GPM6A: variants seen among roughly 807,000 people sequenced by gnomAD.
GPM6A encodes the protein neuronal membrane glycoprotein M6-a.
Under a neutral mutation model 32.1 loss-of-function variants are expected in GPM6A, and 7 were observed. The observed-to-expected ratio is 0.22, with a 90% CI of 0.12 to 0.41. GPM6A has a LOEUF of 0.41. Ranked by LOEUF, GPM6A falls within the 10% of genes least tolerant of loss-of-function variation. The probability of loss-of-function intolerance (pLI) is 1.00; values close to 1 mark genes in which losing one functional copy is unlikely to be tolerated. For synonymous variants in GPM6A, 130 were observed against 123.4 expected (o/e 1.05, Z -0.35); for missense variants, 235 against 347.2 (o/e 0.68, Z 2.57).
chr4:175,720,989 C>T (rs1245999409), intron 1 of GPM6A, among the ~76,000 whole-genome samples: 1 of 145,826 alleles, frequency 6.9e-6, no homozygotes, highest in Admixed American at 7.0e-5. Context: ...TTTCCAACAA[C>T]TAGTAGTTAC....
At chr4:175,946,247 A>G (rs1389040896) in intron 1 of GPM6A, among the ~76,000 whole-genome samples, 1 of 152,236 alleles carries the variant, frequency 6.6e-6, no homozygotes, top group Non-Finnish European at 1.5e-5. Flanking sequence ...ACAAGGCACC[A>G]AAAACAACTG....
At chr4:175,683,348 G>C (rs1322626725) in intron 2 of GPM6A, among the ~76,000 whole-genome samples, 4 of 152,028 alleles carry the variant, frequency 2.6e-5, no homozygotes, top group Non-Finnish European at 5.9e-5. Flanking sequence ...GATTTTTCAG[G>C]CTCACAAGTA....
At chr4:175,831,740 A>G (rs1230710267) in intron 1 of GPM6A, among the ~76,000 whole-genome samples, 3 of 2,766 alleles carry the variant, frequency 1.1e-3, no homozygotes, top group African/African-American at 2.6e-3. Context: ...TTTTTTTTTG[A>G]CGGAGGTTCA....
chr4:175,802,859 G>C (rs574290446), intron 1 of GPM6A, among the ~76,000 whole-genome samples: 1 of 151,904 alleles, frequency 6.6e-6, no homozygotes, highest in Admixed American at 6.5e-5. Flanking sequence ...AATATGTGTG[G>C]GCTCTTTAAT....
chr4:175,915,040 T>C (rs948477378), intron 1 of GPM6A, among the ~76,000 whole-genome samples: 1 of 152,212 alleles, frequency 6.6e-6, no homozygotes, highest in African/African-American at 2.4e-5. Flanking sequence ...TAAAGCTTTT[T>C]TGACTGTTAT....
chr4:175,661,302 C>G (rs754563268), intron 3 of GPM6A, among the ~76,000 whole-genome samples: 4 of 151,820 alleles, frequency 2.6e-5, no homozygotes, highest in Non-Finnish European at 5.9e-5. Flanking sequence ...GGTGTGGTGG[C>G]AGGGCTCCTG....
chr4:175,950,683 A>C (rs1739778511), intron 1 of GPM6A, among the ~76,000 whole-genome samples: 1 of 152,160 alleles, frequency 6.6e-6, no homozygotes, highest in African/African-American at 2.4e-5. Context: ...GTGTGCTGGC[A>C]GGGGAAATGA....
intron 1 of GPM6A, among the ~76,000 whole-genome samples, chr4:175,847,459 C>T (rs1054195239): frequency 2.6e-5 from 4 of 152,120 alleles, no homozygotes; most frequent in African/African-American, 9.7e-5. Context: ...GGACGTGCCT[C>T]CCCCTTTGAT....
At chr4:175,967,655 C>A (rs766159258) in intron 1 of GPM6A, among the ~76,000 whole-genome samples, 1 of 152,072 alleles carries the variant, frequency 6.6e-6, no homozygotes, top group Admixed American at 6.6e-5. Context: ...AAATAAAAAA[C>A]AAAATGTCAT....
intron 1 of GPM6A, among the ~76,000 whole-genome samples, chr4:175,736,461 T>G (rs1383368060): frequency 6.6e-6 from 1 of 152,222 alleles, no homozygotes; most frequent in Non-Finnish European, 1.5e-5. Flanking sequence ...TTTATCTTTG[T>G]GCACAAAATA....
intron 2 of GPM6A, among the ~76,000 whole-genome samples, chr4:175,693,517 C>G (rs57693164): frequency 0.047 from 7,152 of 152,054 alleles, 200 homozygotes; most frequent in Non-Finnish European, 0.063. Flanking sequence ...TACCATCCTT[C>G]CCTAAACACT....
At chr4:175,825,977 C>T (rs545846562) in intron 1 of GPM6A, among the ~76,000 whole-genome samples, 112 of 152,148 alleles carry the variant, frequency 7.4e-4, no homozygotes, top group Middle Eastern at 3.4e-3. Context: ...CCCAGGAGTT[C>T]AAGACCAGCC....
At chr4:175,773,560 T>A (rs190017525) in intron 1 of GPM6A, among the ~76,000 whole-genome samples, 124 of 152,094 alleles carry the variant, frequency 8.2e-4, no homozygotes, top group African/African-American at 2.9e-3. Flanking sequence ...TAATGCTAAA[T>A]AATACTACTT....
Position 175,883,296 on chromosome 4 carries a change from A to C in GPM6A, c.-22-71047T>G, listed in dbSNP as rs572610298. Among the ~76,000 whole-genome samples the C allele has an allele frequency of 5.3e-5, 8 of 152,240 alleles. No individual in the cohort carries two copies. In the South Asian group the frequency reaches 6.2e-4, roughly 12 times the overall value. ...GTACAATAGAAATATAATGTGAGCC[A>C]TATATGTAATTTTAAATTTTCTAGT... On this transcript the variant is annotated intron_variant, in intron 1 of 7. Transcript: ENST00000280187.
At chr4:175,673,981 T>G (rs1743225549) in intron 2 of GPM6A, 145 bp from the exon 3 acceptor site, 4 of 560,800 alleles carry the variant, frequency 7.1e-6, no homozygotes, top group Non-Finnish European at 1.2e-5. Context: ...AAAACATGTT[T>G]GCTTCATATA....
At chr4:175,880,202 T>C (rs554646098) in intron 1 of GPM6A, among the ~76,000 whole-genome samples, 1 of 152,162 alleles carries the variant, frequency 6.6e-6, no homozygotes. Context: ...GTTGTAGATG[T>C]GTGGTATTAT....
At chr4:175,641,167 C>A (rs1741121566) in intron 4 of GPM6A, 1 of 254,820 alleles carries the variant, frequency 3.9e-6, no homozygotes, top group African/African-American at 2.3e-5. Context: ...GTTAACTATG[C>A]CCCAGACTGT....
intron 1 of GPM6A, among the ~76,000 whole-genome samples, chr4:175,803,327 G>GA (rs1214919233): frequency 6.6e-6 from 1 of 152,014 alleles, no homozygotes; most frequent in African/African-American, 2.4e-5. Flanking sequence ...ACATACATAA[G>GA]AAAAAACAGT....
At chr4:175,872,012 A>T (rs997968856) in intron 1 of GPM6A, among the ~76,000 whole-genome samples, 1 of 152,172 alleles carries the variant, frequency 6.6e-6, no homozygotes. Flanking sequence ...TGGCTTATAA[A>T]ACACAATCTC....
Sources: allele counts gnomAD v4.1 joint callset (sites outside exome capture counted in the v4.1 genomes callset), GRCh38; gene constraint gnomAD v4.1.1; transcripts MANE v1.5; gene names NCBI Gene and HGNC (gene_info 2026-07-23, HGNC 2026-07-21).